The following INTS2 variants were observed in gnomAD, a reference collection of about 807,000 sequenced individuals.
INTS2 encodes integrator complex subunit 2.
In INTS2, 57 loss-of-function variants were observed where a neutral mutation model predicts 139.6. The ratio of observed to expected loss-of-function variants is 0.41; its 90% CI spans 0.33 to 0.51. The LOEUF is 0.51. INTS2 is among the 20% of genes least tolerant of loss of function. The pLI is 0.28. For missense variants in INTS2, 1,196 were observed against 1,436.7 expected (o/e 0.83, Z 2.71); for synonymous variants, 473 against 493.4 (o/e 0.96, Z 0.55).
rs1342673509 is a variant in INTS2, at chr17:61,927,713, G to T, written c.-78C>A. ...CACGGACTCCGCGTCCTAGAGGCGGGACGCGGCAGAAATCGAGAGCGCGGT... is the reference window on the plus strand; with the variant it reads ...CACGGACTCCGCGTCCTAGAGGCGGTACGCGGCAGAAATCGAGAGCGCGGT... On this transcript the variant is annotated 5_prime_UTR_variant, in exon 1 of 25. Transcript: ENST00000251334. 4 of 1,452,544 alleles carry T rather than the reference G, an allele frequency of 2.8e-6. No homozygotes were observed. In the African/African-American group the frequency reaches 4.3e-5, roughly 16 times the overall value. 90.0% of individuals were successfully genotyped at this position (1,452,544 alleles called of 1,614,324 possible).
intron 5 of INTS2, among the ~76,000 whole-genome samples, chr17:61,913,256 T>G (rs1414746061): frequency 6.7e-6 from 1 of 148,930 alleles, no homozygotes; most frequent in East Asian, 2.0e-4. Context: ...GAGAACTGCT[T>G]TAACCCCAGG....
intron 15 of INTS2, among the ~76,000 whole-genome samples, chr17:61,888,099 G>T (rs559325255): frequency 2.0e-5 from 3 of 151,004 alleles, no homozygotes; most frequent in Non-Finnish European, 4.4e-5. Context: ...AGGTCAGGAG[G>T]ATCACTCACA....
chr17:61,890,709 T>C (rs2079282670), intron 14 of INTS2, among the ~76,000 whole-genome samples: 1 of 150,330 alleles, frequency 6.7e-6, no homozygotes, highest in South Asian at 2.1e-4. Flanking sequence ...TCCCACACAG[T>C]ACTTGATCAA....
chr17:61,885,997 G>A (rs2079225122), intron 15 of INTS2, among the ~76,000 whole-genome samples: 1 of 152,010 alleles, frequency 6.6e-6, no homozygotes, highest in Admixed American at 6.6e-5. Flanking sequence ...CAAACTGCTG[G>A]GATTACAGGC....
chr17:61,893,977 C>T lies in INTS2; in HGVS notation c.1564-78G>A. ...TTTGAAAGAGAGATTAGTAAGTAGA[C>T]TGTCAACACCTAATACAAGTGTGGT... is the stretch of plus-strand genomic sequence containing the variant. On this transcript the variant is annotated intron_variant, in intron 12 of 24. Transcript: ENST00000251334. The surrounding 1 kb of genome is among the most constrained non-coding windows in gnomAD (Gnocchi z 5.4). The T allele has an allele frequency of 1.2e-6, 1 of 835,514 alleles. No homozygotes were observed. Among genetic ancestry groups the T allele is most frequent in the Admixed American group, 2.6e-5 (1 of 38,298 alleles). 51.8% of individuals were successfully genotyped at this position (835,514 alleles called of 1,614,324 possible).
At chr17:61,880,131 C>T (rs1347653438) in intron 17 of INTS2, among the ~76,000 whole-genome samples, 1 of 152,142 alleles carries the variant, frequency 6.6e-6, no homozygotes, top group Non-Finnish European at 1.5e-5. Context: ...GCAACCTAGG[C>T]CTCCCGGGTT....
chr17:61,911,510 T>C lies in INTS2; in HGVS notation c.954+10A>G. On this transcript the variant is annotated intron_variant, in intron 7 of 24. Coordinates refer to ENST00000251334, the MANE Select transcript of INTS2 (RefSeq NM_001351695.2). ...CTGATCCTTAGCCTATACAGATATT[T>C]AACCCTCACCTGCTGTCCATTTCGG... 1 of 1,613,334 alleles carries C rather than the reference T, an allele frequency of 6.2e-7. No homozygotes were observed. The highest frequency in any genetic ancestry group is 8.5e-7 in the Non-Finnish European group (1 of 1,179,390).
rs1567911338 is a variant in INTS2, at chr17:61,909,516, C to A, written c.955-1882G>T. ...GTGTAGTCATCACCCTGATAGTATA[C>A]CCTGTACCCAATATAGGTAACTTCT... On this transcript the variant is annotated intron_variant, in intron 7 of 24. Coordinates refer to ENST00000251334, the MANE Select transcript of INTS2 (RefSeq NM_001351695.2). This position sits in a 1 kb window ranked among gnomAD's most constrained non-coding sequence, Gnocchi z 4.9. 6.6e-6 allele frequency among the ~76,000 whole-genome samples: 1 copy of A among 152,066 alleles called. No individual in the cohort carries two copies.
chr17:61,926,611 G>T lies in INTS2; in HGVS notation c.34C>A (p.Pro12Thr). The T allele has an allele frequency of 6.2e-7, 1 of 1,611,958 alleles. No homozygotes were observed. The highest frequency in any genetic ancestry group is 1.1e-5 in the South Asian group (1 of 90,672). ...TTCTGCATTGCCTCAAAAGCAAAAG[G>T]GCTGACAAACTGAAGACTTGTACAT... The part of the protein sequence containing the change: ...TECTSLQFVS[P>T]FAFEAMQKVD... The change falls in exon 2 of 25, where the codon CCT becomes ACT. Residue 12 changes from proline (P) to threonine (T), a missense_variant. By Grantham distance (38) the Pro-to-Thr change is conservative. Transcript: ENST00000251334.
rs773446318 is a variant in INTS2, at chr17:61,869,402, A to T, written c.3031-22T>A. On this transcript the variant is annotated intron_variant, in intron 21 of 24. Coordinates refer to ENST00000251334, the MANE Select transcript of INTS2 (RefSeq NM_001351695.2). This position sits in a 1 kb window ranked among gnomAD's most constrained non-coding sequence, Gnocchi z 5.4. ...AACCCTATCTCAACAAGAAACGGGA[A>T]AAAAGTCAGAAATAAAATAACTATA... The T allele has an allele frequency of 7.2e-7, 1 of 1,384,486 alleles. No individual in the cohort carries two copies. Among genetic ancestry groups the T allele is most frequent in the African/African-American group, 1.4e-5 (1 of 69,276 alleles). The allele number at this position is 1,384,486 out of a possible 1,614,324, so 85.8% of individuals were successfully genotyped here.
chr17:61,924,858 G>C (rs2079692359), intron 3 of INTS2, 103 bp downstream of exon 3: 1 of 1,144,680 alleles, frequency 8.7e-7, no homozygotes, highest in South Asian at 1.4e-5. Context: ...TAAGAGTAGA[G>C]GAGAATTCAA....
intron 11 of INTS2, among the ~76,000 whole-genome samples, chr17:61,896,410 C>CAGCT (rs1334772932): frequency 2.6e-5 from 4 of 151,962 alleles, no homozygotes; most frequent in African/African-American, 9.7e-5. Flanking sequence ...TTTAATATTA[C>CAGCT]AGTAGCTTTT....
At chr17:61,916,204 G>T (rs186072781) in intron 5 of INTS2, among the ~76,000 whole-genome samples, 2 of 152,096 alleles carry the variant, frequency 1.3e-5, no homozygotes, top group Non-Finnish European at 2.9e-5. Context: ...GTAGGCTGAG[G>T]CGGGCAGACC....
At position 61,897,574 on chromosome 17, in the gene INTS2, G is replaced by A. The variant is rs370911129; in HGVS notation, c.1389C>T (p.Gly463=). Residue 463 remains glycine (G), a synonymous_variant, in exon 11 of 25, where the codon GGC becomes GGT. Transcript: ENST00000251334. This position sits in a 1 kb window ranked among gnomAD's most constrained non-coding sequence, Gnocchi z 4.4. ...KEEAYFESTS[G]VSASFGEMLL... is the part of the protein sequence containing the mutation. ...ACATCTCCCCAAAAGAAGCAGAGAC[G>A]CCTGAAGTACTGTCAAAACAAAATA... The A allele has an allele frequency of 3.1e-6, 5 of 1,599,642 alleles. No individual in the cohort carries two copies. Among genetic ancestry groups the A allele is most frequent in the Non-Finnish European group, 4.3e-6 (5 of 1,172,434 alleles).
intron 3 of INTS2, among the ~76,000 whole-genome samples, chr17:61,923,496 A>G (rs1053101200): frequency 6.6e-6 from 1 of 151,336 alleles, no homozygotes; most frequent in Non-Finnish European, 1.5e-5. Flanking sequence ...AAAAAAAAAA[A>G]AAAAAACTAT....
At chr17:61,923,204 G>A (rs997546863) in intron 3 of INTS2, among the ~76,000 whole-genome samples, 4 of 151,698 alleles carry the variant, frequency 2.6e-5, no homozygotes, top group African/African-American at 7.3e-5. Flanking sequence ...TCGGCCGGGC[G>A]CAGTGGCTCG....
intron 2 of INTS2, among the ~76,000 whole-genome samples, 154 bp downstream of exon 2, chr17:61,926,198 A>T (rs1603385431): frequency 6.6e-6 from 1 of 152,300 alleles, no homozygotes; most frequent in Non-Finnish European, 1.5e-5. Context: ...AAGTCAAAAG[A>T]TTCTGGAACT....
intron 16 of INTS2, 123 bp downstream of exon 16, chr17:61,884,778 A>G (rs1425142744): frequency 7.5e-5 from 51 of 677,010 alleles, no homozygotes; most frequent in Non-Finnish European, 9.9e-5. Context: ...GGAGGCAAAG[A>G]GGAATTTCAC....
chr17:61,872,953 G>A lies in INTS2; in HGVS notation c.2583-493C>T, dbSNP rs1363426770. Among the ~76,000 whole-genome samples, 1 of 152,092 alleles carries A rather than the reference G, an allele frequency of 6.6e-6. No individual in the cohort carries two copies. Among genetic ancestry groups the A allele is most frequent in the African/African-American group, 2.4e-5 (1 of 41,404 alleles). ...ATTGGAAAACATTATATCAAATAGT[G>A]CAGGAAAGTATATACTATCAAACAC... On this transcript the variant is annotated intron_variant, in intron 19 of 24. Coordinates refer to ENST00000251334, the MANE Select transcript of INTS2 (RefSeq NM_001351695.2). This position sits in a 1 kb window ranked among gnomAD's most constrained non-coding sequence, Gnocchi z 4.8.
Sources: allele counts gnomAD v4.1 joint callset (sites outside exome capture counted in the v4.1 genomes callset), GRCh38; gene constraint gnomAD v4.1.1; non-coding constraint Gnocchi (gnomAD v3.1); transcripts MANE v1.5; gene names NCBI Gene and HGNC (gene_info 2026-07-23, HGNC 2026-07-21).